MAML2: variants seen among roughly 807,000 people sequenced by gnomAD.
MAML2 encodes mastermind-like protein 2.
Under a neutral mutation model 96.1 loss-of-function variants are expected in MAML2, and 22 were observed. The observed-to-expected ratio is 0.23, with a 90% CI of 0.16 to 0.33. The LOEUF is 0.33. Ranked by LOEUF, MAML2 falls within the 10% of genes least tolerant of loss-of-function variation. The pLI is 1.00. For synonymous variants in MAML2, 561 were observed against 521.3 expected (o/e 1.08, Z -1.04); for missense variants, 1,367 against 1,392.4 (o/e 0.98, Z 0.29).
At position 96,319,173 on chromosome 11, in the gene MAML2, C is replaced by T. The variant is rs564492673; in HGVS notation, c.513+22210G>A. On this transcript the variant is annotated intron_variant, in intron 1 of 4. Transcript: ENST00000524717. ...CATCACAGCAAGGAACTGAGGCCTC[C>T]GGTCAACAGCCAGTGAGGAATTGAG... 1.4e-4 allele frequency among the ~76,000 whole-genome samples: 21 copies of T among 152,294 alleles called. 1 individual carries two copies. In the South Asian group the frequency reaches 4.1e-3, roughly 30 times the overall value.
chr11:96,276,461 G>A (rs1430033639), intron 1 of MAML2, among the ~76,000 whole-genome samples: 1 of 152,152 alleles, frequency 6.6e-6, no homozygotes, highest in Admixed American at 6.5e-5. Flanking sequence ...AAGTCACAGA[G>A]GACCGCATTT....
chr11:96,120,014 G>C (rs1005654298), intron 1 of MAML2, among the ~76,000 whole-genome samples: 1 of 148,858 alleles, frequency 6.7e-6, no homozygotes, highest in Non-Finnish European at 1.5e-5. Flanking sequence ...CTGGAGTGCA[G>C]TGACACGATC....
At chr11:96,232,253 C>T (rs746224267) in intron 1 of MAML2, among the ~76,000 whole-genome samples, 5 of 152,146 alleles carry the variant, frequency 3.3e-5, no homozygotes, top group Non-Finnish European at 5.9e-5. Flanking sequence ...AGATTATGTG[C>T]GTAACACTAT....
intron 1 of MAML2, among the ~76,000 whole-genome samples, chr11:96,169,702 T>A (rs1169571863): frequency 6.6e-6 from 1 of 150,540 alleles, no homozygotes; most frequent in Non-Finnish European, 1.5e-5. Flanking sequence ...GTCACTAGGC[T>A]GGAATGCAGT....
Position 95,978,588 on chromosome 11 carries a change from G to C in MAML2, c.*360C>G, listed in dbSNP as rs1405627027. 3.8e-6 allele frequency: 1 copy of C among 260,674 alleles called. No homozygotes were observed. The highest frequency in any genetic ancestry group is 7.3e-6 in the Non-Finnish European group (1 of 137,054). 16.1% of individuals were successfully genotyped at this position (260,674 alleles called of 1,614,324 possible). ...GAACTAGTACCTCCTCATGACATGG[G>C]GTTTAAATAAACTACAAGTTCTATT... On this transcript the variant is annotated 3_prime_UTR_variant, in exon 5 of 5. Coordinates refer to ENST00000524717, the MANE Select transcript of MAML2 (RefSeq NM_032427.4).
At chr11:96,238,307 C>T (rs778620916) in intron 1 of MAML2, among the ~76,000 whole-genome samples, 14 of 152,168 alleles carry the variant, frequency 9.2e-5, no homozygotes, top group Non-Finnish European at 1.5e-4. Context: ...TCATCAGACA[C>T]AAAACAAAAC....
intron 1 of MAML2, among the ~76,000 whole-genome samples, chr11:96,170,610 C>T (rs1181348154): frequency 5.9e-5 from 9 of 152,086 alleles, no homozygotes; most frequent in Non-Finnish European, 1.0e-4. Context: ...ATGTTTGATG[C>T]GTGGATTATC....
chr11:96,183,398 C>CA (rs924016627), intron 1 of MAML2, among the ~76,000 whole-genome samples: 1 of 68,902 alleles, frequency 1.5e-5, no homozygotes, highest in African/African-American at 6.0e-5. Context: ...GTTCCTCCCC[C>CA]CCCCCCCTTT....
At chr11:96,147,466 A>T (rs1018870005) in intron 1 of MAML2, among the ~76,000 whole-genome samples, 2 of 152,256 alleles carry the variant, frequency 1.3e-5, no homozygotes, top group South Asian at 4.1e-4. Flanking sequence ...AATCAGATAC[A>T]TGAAAAATTA....
chr11:96,192,963 T>C (rs1172450355), intron 1 of MAML2, among the ~76,000 whole-genome samples: 1 of 152,222 alleles, frequency 6.6e-6, no homozygotes, highest in Non-Finnish European at 1.5e-5. Context: ...AAATAATTTA[T>C]TAGACTGTGA....
At chr11:96,091,313 G>A (rs760717388) in intron 2 of MAML2, among the ~76,000 whole-genome samples, 9 of 152,064 alleles carry the variant, frequency 5.9e-5, no homozygotes, top group South Asian at 2.1e-4. Context: ...TAAAAATCCC[G>A]TCTCCCTTTC....
At chr11:96,154,910 G>C (rs1287455862) in intron 1 of MAML2, among the ~76,000 whole-genome samples, 1 of 152,172 alleles carries the variant, frequency 6.6e-6, no homozygotes, top group Non-Finnish European at 1.5e-5. Context: ...ACTGCCAGCA[G>C]CCTGTGAAGC....
At chr11:96,341,315 A>G in intron 1 of MAML2, 68 bp downstream of exon 1, 2 of 1,459,824 alleles carry the variant, frequency 1.4e-6, no homozygotes, top group South Asian at 1.4e-5. Context: ...CCTTAGGCCA[A>G]AGCAAACTCT....
At chr11:96,065,159 T>G (rs1420384306) in intron 2 of MAML2, among the ~76,000 whole-genome samples, 1 of 152,222 alleles carries the variant, frequency 6.6e-6, no homozygotes, top group African/African-American at 2.4e-5. Context: ...TCTGATAGAT[T>G]TTAAAATGCT....
At chr11:96,114,121 A>T (rs554971002) in intron 1 of MAML2, among the ~76,000 whole-genome samples, 4 of 152,094 alleles carry the variant, frequency 2.6e-5, no homozygotes, top group Non-Finnish European at 4.4e-5. Context: ...GTCTTGCTAC[A>T]TTGCCTAGGC....
chr11:96,032,587 A>AG (rs1491346169), intron 2 of MAML2, among the ~76,000 whole-genome samples: 1 of 29,386 alleles, frequency 3.4e-5, no homozygotes, highest in Non-Finnish European at 6.7e-5. Flanking sequence ...AGTCTGTCTC[A>AG]AAAAAAAAAA....
chr11:96,054,099 C>A (rs546755060), intron 2 of MAML2, among the ~76,000 whole-genome samples: 1 of 152,240 alleles, frequency 6.6e-6, no homozygotes, highest in African/African-American at 2.4e-5. Context: ...TCTGCAAAAT[C>A]CCCAGAGGAG....
chr11:96,202,599 A>T (rs1163866269), intron 1 of MAML2, among the ~76,000 whole-genome samples: 1 of 152,060 alleles, frequency 6.6e-6, no homozygotes, highest in Non-Finnish European at 1.5e-5. Context: ...GATAGGATCC[A>T]TTAAGTAACT....
chr11:96,339,180 G>C (rs1863956790), intron 1 of MAML2, among the ~76,000 whole-genome samples: 1 of 152,318 alleles, frequency 6.6e-6, no homozygotes, highest in Non-Finnish European at 1.5e-5. Context: ...GCTCCTCTAA[G>C]GGAATGTCTC....
Sources: allele counts gnomAD v4.1 joint callset (sites outside exome capture counted in the v4.1 genomes callset), GRCh38; gene constraint gnomAD v4.1.1; transcripts MANE v1.5; gene names NCBI Gene and HGNC (gene_info 2026-07-23, HGNC 2026-07-21).